Variants in PCSK6 observed in about 807,000 individuals in gnomAD.
The protein encoded by PCSK6 is proprotein convertase subtilisin/kexin type 6, also known as paired basic amino acid cleaving enzyme 4.
In PCSK6, 85 loss-of-function variants were observed where a neutral mutation model predicts 123.3. That is an observed-to-expected ratio of 0.69 (90% CI 0.58 to 0.83). The LOEUF (loss-of-function observed/expected upper bound fraction) is 0.83, where lower values mean the gene tolerates loss of function less well. Among genes scored for constraint, PCSK6 ranks in the 40% least tolerant of loss-of-function variants. The pLI is 0.00. For synonymous variants in PCSK6, 508 were observed against 516.0 expected (o/e 0.98, Z 0.21); for missense variants, 1,191 against 1,282.3 (o/e 0.93, Z 1.09).
rs546929955 is a variant in PCSK6, at chr15:101,465,311, G to T, written c.298-21651C>A. Among the ~76,000 whole-genome samples the T allele has an allele frequency of 8.6e-5, 7 of 81,130 alleles. No homozygotes were observed. The South Asian group carries it at 2.8e-3, about 33-fold the overall frequency. The allele number at this position is 81,130 out of a possible 152,430, so 53.2% of individuals were successfully genotyped here. A position where few individuals can be genotyped will look rare whatever the true frequency, so the allele number is the denominator to read the frequency against. On this transcript the variant is annotated intron_variant, in intron 1 of 21. Transcript: ENST00000611716. ...GCTACTAAACACAGGCCCTAAACCC[G>T]CACTGATTCTACAGCCCTGATGTGC...
chr15:101,396,457 A>G (rs1490719863), intron 7 of PCSK6, among the ~76,000 whole-genome samples: 1 of 152,150 alleles, frequency 6.6e-6, no homozygotes, highest in Non-Finnish European at 1.5e-5. Flanking sequence ...GCTCAGCAGG[A>G]ACACCATCCA....
chr15:101,363,201 G>C (rs535972117), intron 13 of PCSK6, among the ~76,000 whole-genome samples: 1 of 152,346 alleles, frequency 6.6e-6, no homozygotes, highest in African/African-American at 2.4e-5. Flanking sequence ...GCCTGCAGAG[G>C]CACAGTTCCA....
intron 13 of PCSK6, among the ~76,000 whole-genome samples, chr15:101,356,328 T>A (rs765712598): frequency 8.6e-5 from 13 of 151,726 alleles, no homozygotes; most frequent in Non-Finnish European, 1.6e-4. Flanking sequence ...AGGGGCAAGG[T>A]CCTAGTGTTC....
chr15:101,362,358 A>G (rs1270714567), intron 13 of PCSK6, among the ~76,000 whole-genome samples: 2 of 152,234 alleles, frequency 1.3e-5, no homozygotes, highest in Non-Finnish European at 2.9e-5. Flanking sequence ...CAGAAGCAGG[A>G]GGCTGCTGCA....
In PCSK6 at chr15:101,393,322, T is replaced by C. The variant is rs749656324; in HGVS notation, c.1099A>G (p.Ile367Val). The C allele has an allele frequency of 1.3e-6, 2 of 1,563,304 alleles. No individual in the cohort carries two copies. The highest frequency in any genetic ancestry group is 1.8e-5 in the Admixed American group (1 of 55,142). Residue 367 changes from isoleucine (I) to valine (V), a missense_variant, in exon 8 of 22, where the codon ATC becomes GTC. This residue lies in a region of PCSK6 where 357 missense variants were observed against 484.5 expected (regional missense o/e 0.74). Transcript: ENST00000611716. ...TTCTCGGTGGCGCTGCTGACGGAGA[T>C]GGTGTAGATGCTGTTGGTGTAGCCA... is the stretch of plus-strand genomic sequence containing the variant. The part of the protein sequence containing the change: ...CDGYTNSIYT[I>V]SVSSATENGY...
At chr15:101,475,126 A>G (rs7168093) in intron 1 of PCSK6, among the ~76,000 whole-genome samples, 16,303 of 152,086 alleles carry the variant, frequency 0.11, 1,009 homozygotes, top group African/African-American at 0.18. Flanking sequence ...TTATCCTAAA[A>G]CATTTGGACT....
At chr15:101,476,260 C>T (rs1484530336) in intron 1 of PCSK6, among the ~76,000 whole-genome samples, 1 of 152,138 alleles carries the variant, frequency 6.6e-6, no homozygotes, top group African/African-American at 2.4e-5. Context: ...ATTATTATAA[C>T]TAGTATTTGT....
At chr15:101,395,430 G>T (rs1185780447) in intron 7 of PCSK6, among the ~76,000 whole-genome samples, 1 of 152,210 alleles carries the variant, frequency 6.6e-6, no homozygotes, top group Non-Finnish European at 1.5e-5. Context: ...TGCATTTACA[G>T]CATGTAGCAT....
chr15:101,371,562 G>A (rs1250505272), intron 11 of PCSK6, among the ~76,000 whole-genome samples: 2 of 152,232 alleles, frequency 1.3e-5, no homozygotes, highest in East Asian at 3.8e-4. Flanking sequence ...TTCCCAAGCT[G>A]ACTGTGCACT....
At chr15:101,472,419 C>A (rs906386899) in intron 1 of PCSK6, among the ~76,000 whole-genome samples, 13 of 152,274 alleles carry the variant, frequency 8.5e-5, no homozygotes, top group Non-Finnish European at 1.3e-4. Context: ...GTTTCACACC[C>A]ACGGTGCATG....
intron 6 of PCSK6, among the ~76,000 whole-genome samples, chr15:101,417,383 T>C (rs559235053): frequency 6.6e-6 from 1 of 152,182 alleles, no homozygotes; most frequent in African/African-American, 2.4e-5. Context: ...GAACGTGTAT[T>C]AGGACACAAA....
chr15:101,463,264 G>A (rs1006766387), intron 1 of PCSK6, among the ~76,000 whole-genome samples: 2 of 152,128 alleles, frequency 1.3e-5, no homozygotes, highest in African/African-American at 4.8e-5. Context: ...GAGGAGGGTC[G>A]AATTGGCTTG....
At position 101,389,525 on chromosome 15, in the gene PCSK6, T is replaced by G; in HGVS notation, c.1249A>C (p.Thr417Pro). ...DLRQRCTDGH[T>P]GTSVSAPMVA... ...ATGGGGGCAGAGACTGAGGTCCCAGTGTGGCCATCGGTACAGCGCTGACGC... is the reference window on the plus strand; with the variant it reads ...ATGGGGGCAGAGACTGAGGTCCCAGGGTGGCCATCGGTACAGCGCTGACGC... The change falls in exon 9 of 22, where the codon ACT (threonine) becomes CCT (proline). Residue 417 changes from threonine (T) to proline (P), a missense_variant. By Grantham distance (38) the Thr-to-Pro change is conservative. This residue lies in a region of PCSK6 where 357 missense variants were observed against 484.5 expected (regional missense o/e 0.74). Transcript: ENST00000611716. 6.2e-7 allele frequency: 1 copy of G among 1,613,634 alleles called. No homozygotes were observed. Among genetic ancestry groups the G allele is most frequent in the Non-Finnish European group, 8.5e-7 (1 of 1,179,708 alleles).
chr15:101,462,669 C>T (rs2057365904), intron 1 of PCSK6, among the ~76,000 whole-genome samples: 1 of 152,108 alleles, frequency 6.6e-6, no homozygotes, highest in East Asian at 1.9e-4. Context: ...GGAACTAATC[C>T]ACTGATGATG....
chr15:101,349,111 G>T (rs1001171977), intron 13 of PCSK6, among the ~76,000 whole-genome samples: 4 of 152,114 alleles, frequency 2.6e-5, no homozygotes, highest in Non-Finnish European at 5.9e-5. Context: ...GAAGCACAGG[G>T]TAGAGTCAGG....
At chr15:101,436,021 C>T (rs1248590129) in intron 2 of PCSK6, among the ~76,000 whole-genome samples, 5 of 152,144 alleles carry the variant, frequency 3.3e-5, no homozygotes, top group East Asian at 1.9e-4. Flanking sequence ...GTGTGACAAG[C>T]GACAGGGGAG....
At chr15:101,359,726 T>C (rs1439661618) in intron 13 of PCSK6, among the ~76,000 whole-genome samples, 1 of 152,224 alleles carries the variant, frequency 6.6e-6, no homozygotes, top group Non-Finnish European at 1.5e-5. Context: ...TGCGGTTCCG[T>C]GCTGTGCACC....
intron 6 of PCSK6, among the ~76,000 whole-genome samples, chr15:101,402,020 T>A (rs985043601): frequency 4.6e-5 from 7 of 151,832 alleles, no homozygotes; most frequent in African/African-American, 7.3e-5. Flanking sequence ...CTTCAAACTA[T>A]ACGACAAGGC....
At chr15:101,461,824 G>C (rs900944840) in intron 1 of PCSK6, among the ~76,000 whole-genome samples, 2 of 152,156 alleles carry the variant, frequency 1.3e-5, no homozygotes, top group African/African-American at 4.8e-5. Flanking sequence ...TTCTTAACCT[G>C]TTAAAAAGGC....
Sources: gnomAD v4.1 joint callset for allele counts (sites outside exome capture counted in the v4.1 genomes callset) on GRCh38, gnomAD v4.1.1 for gene constraint, gnomAD v4.1.1 regional missense constraint, MANE v1.5 for transcripts, NCBI Gene and HGNC (gene_info 2026-07-23, HGNC 2026-07-21) for gene names.